Variants in TSPEAR observed in about 807,000 individuals in gnomAD.
TSPEAR encodes the protein thrombospondin-type laminin G domain and EAR repeat-containing protein.
TSPEAR carries 69 observed loss-of-function variants against 71.6 expected under a neutral mutation model. The observed-to-expected ratio is 0.96, with a 90% CI of 0.79 to 1.18. The LOEUF is 1.18. Ranked by LOEUF, TSPEAR falls within the 50% of genes most tolerant of loss-of-function variation. The pLI, the probability that TSPEAR is intolerant of heterozygous loss-of-function variation, is 0.00. For missense variants in TSPEAR, 971 were observed against 894.9 expected (o/e 1.09, Z -1.09); for synonymous variants, 402 against 387.2 (o/e 1.04, Z -0.45).
chr21:44,568,080 T>C, intron 1 of TSPEAR, 75 bp from the exon 2 acceptor site: 1 of 1,208,350 alleles, frequency 8.3e-7, no homozygotes, highest in Non-Finnish European at 1.1e-6. Flanking sequence ...CCAACATGTA[T>C]GGGGCATCAG....
intron 1 of TSPEAR, among the ~76,000 whole-genome samples, chr21:44,703,873 C>A (rs782545199): frequency 6.6e-6 from 1 of 152,152 alleles, no homozygotes; most frequent in Non-Finnish European, 1.5e-5. Context: ...CTCCACACCA[C>A]ACCAGTGCCA....
In TSPEAR at chr21:44,687,512, G is replaced by A. The variant is rs1442367339; in HGVS notation, c.82+23921C>T. Among the ~76,000 whole-genome samples the A allele has an allele frequency of 6.6e-6, 1 of 152,158 alleles. No individual in the cohort carries two copies. The highest frequency in any genetic ancestry group is 1.5e-5 in the Non-Finnish European group (1 of 68,030). ...AACGCATCGCAGAAACACCGCGCGG[G>A]GTGGGAGAGGCCGGCACCAGAGGAC... is the stretch of plus-strand genomic sequence containing the variant. On this transcript the variant is annotated intron_variant, in intron 1 of 11. Transcript: ENST00000323084. This position sits in a 1 kb window ranked among gnomAD's most constrained non-coding sequence, Gnocchi z 4.4.
chr21:44,695,382 G>A lies in TSPEAR; in HGVS notation c.82+16051C>T, dbSNP rs1987289933. On this transcript the variant is annotated intron_variant, in intron 1 of 11. Transcript: ENST00000323084. This position sits in a 1 kb window ranked among gnomAD's most constrained non-coding sequence, Gnocchi z 4.5. ...TCTCAGACCTTCTACTGAGAGGTCGGGGGTCGGGTCATGACACACAGCAGG... is the reference window on the plus strand; with the variant it reads ...TCTCAGACCTTCTACTGAGAGGTCGAGGGTCGGGTCATGACACACAGCAGG... Among the ~76,000 whole-genome samples, 2 of 152,120 alleles carry A rather than the reference G, an allele frequency of 1.3e-5. No individual in the cohort carries two copies. Among genetic ancestry groups the A allele is most frequent in the Admixed American group, 1.3e-4 (2 of 15,280 alleles).
At chr21:44,651,866 C>A (rs1555941484) in intron 1 of TSPEAR, among the ~76,000 whole-genome samples, 2 of 151,958 alleles carry the variant, frequency 1.3e-5, no homozygotes, top group Non-Finnish European at 2.9e-5. Context: ...AAAAATCAAG[C>A]TTTTAAAAAA....
chr21:44,555,751 A>G (rs1210739736), intron 2 of TSPEAR, among the ~76,000 whole-genome samples: 3 of 152,030 alleles, frequency 2.0e-5, no homozygotes, highest in African/African-American at 2.4e-5. Context: ...GCTCTGGGCT[A>G]CTGATCAGAC....
rs587613497 is a variant in TSPEAR at position 44,675,636 on chromosome 21, T to TA, written c.82+35796dup. Among the ~76,000 whole-genome samples the TA allele has an allele frequency of 3.1e-4, 47 of 152,166 alleles. No homozygotes were observed. In the South Asian group the frequency reaches 9.3e-3, roughly 30 times the overall value. The stretch of plus-strand genomic sequence containing the variant: ...TGATTGGCCTCACAAGTCTGATCAG[T>TA]AAAATCCGAAAAACAGAAAATGTTA... On this transcript the variant is annotated intron_variant, in intron 1 of 11. Coordinates refer to ENST00000323084, the MANE Select transcript of TSPEAR (RefSeq NM_144991.3).
intron 1 of TSPEAR, among the ~76,000 whole-genome samples, chr21:44,650,955 A>G (rs977484250): frequency 6.6e-6 from 1 of 152,192 alleles, no homozygotes; most frequent in African/African-American, 2.4e-5. Context: ...GGGGGAGGAC[A>G]GGGTGACACT....
intron 10 of TSPEAR, among the ~76,000 whole-genome samples, chr21:44,507,275 A>G (rs1555912034): frequency 6.6e-6 from 1 of 152,242 alleles, no homozygotes; most frequent in Non-Finnish European, 1.5e-5. Flanking sequence ...CCATGGCTGC[A>G]CATATCTGTG....
intron 2 of TSPEAR, 23 bp downstream of exon 2, chr21:44,567,762 G>C: frequency 6.5e-7 from 1 of 1,530,426 alleles, no homozygotes; most frequent in South Asian, 1.3e-5. Flanking sequence ...ATTATAACAC[G>C]AAGTGCAGAA....
intron 9 of TSPEAR, among the ~76,000 whole-genome samples, chr21:44,514,862 C>A (rs1285214036): frequency 6.6e-6 from 1 of 152,190 alleles, no homozygotes; most frequent in Non-Finnish European, 1.5e-5. Flanking sequence ...GGTGGGCAGC[C>A]AGCTCCTCAC....
intron 1 of TSPEAR, chr21:44,591,355 T>A (rs1555926479): frequency 6.4e-7 from 1 of 1,571,780 alleles, no homozygotes; most frequent in Admixed American, 1.7e-5. Context: ...CAGCCCCTGG[T>A]GGGAAGGGAC....
In TSPEAR at chr21:44,505,724, C is replaced by T. The variant is rs982767165; in HGVS notation, c.1755-843G>A. Among the ~76,000 whole-genome samples, 4 of 151,816 alleles carry T rather than the reference C, an allele frequency of 2.6e-5. 1 individual carries two copies. Among genetic ancestry groups the T allele is most frequent in the African/African-American group, 9.7e-5 (4 of 41,270 alleles). On this transcript the variant is annotated intron_variant, in intron 10 of 11. Transcript: ENST00000323084. ...CCAGTGACTCAAGGTTCATCCGTGT[C>T]GCACTGTGTGTCAGAATCGCCTTCC... is the stretch of plus-strand genomic sequence containing the variant.
In TSPEAR at chr21:44,694,666, G is replaced by A. The variant is rs143104371; in HGVS notation, c.82+16767C>T. ...CACAAAAAAAACATTTTTAAAGGCA[G>A]TCAAATGGAAGAATAGGCAGTTTTA... On this transcript the variant is annotated intron_variant, in intron 1 of 11. Coordinates refer to ENST00000323084, the MANE Select transcript of TSPEAR (RefSeq NM_144991.3). Among the ~76,000 whole-genome samples, 17 of 152,314 alleles carry A rather than the reference G, an allele frequency of 1.1e-4. No homozygotes were observed. In the East Asian group the frequency reaches 3.3e-3, roughly 29 times the overall value.
At chr21:44,558,390 C>T (rs782511493) in intron 2 of TSPEAR, 53 of 1,613,028 alleles carry the variant, frequency 3.3e-5, no homozygotes, top group Non-Finnish European at 4.1e-5. Context: ...GGGCACACAG[C>T]AGACTGGCTT....
At chr21:44,530,458 C>T (rs112421816) in intron 4 of TSPEAR, among the ~76,000 whole-genome samples, 2 of 140,236 alleles carry the variant, frequency 1.4e-5, no homozygotes, top group African/African-American at 3.1e-5. Flanking sequence ...CATCTCTCCA[C>T]GCATCCATCC....
intron 1 of TSPEAR, among the ~76,000 whole-genome samples, chr21:44,650,036 A>G (rs1035354535): frequency 6.6e-6 from 1 of 152,154 alleles, no homozygotes. Flanking sequence ...AGCCCAGGCA[A>G]CACAGTGAGA....
At chr21:44,626,890 C>T (rs1315206344) in intron 1 of TSPEAR, among the ~76,000 whole-genome samples, 1 of 152,078 alleles carries the variant, frequency 6.6e-6, no homozygotes, top group Admixed American at 6.5e-5. Context: ...CAGGCCCACC[C>T]CAACTCCTGC....
intron 1 of TSPEAR, among the ~76,000 whole-genome samples, chr21:44,656,414 C>T (rs1238642983): frequency 2.0e-5 from 3 of 152,118 alleles, no homozygotes; most frequent in Non-Finnish European, 4.4e-5. Flanking sequence ...TTTACCTCAA[C>T]ATGTTTTGAA....
rs144643610 is a variant in TSPEAR, at chr21:44,555,230, T to C, written c.303+12555A>G. On this transcript the variant is annotated intron_variant, in intron 2 of 11. Transcript: ENST00000323084. ...ATTGCTCCTGATGTTTCCTATTAGA[T>C]GAGAACATTTCTCAAAACGGTTTAT... is the stretch of plus-strand genomic sequence containing the variant. 5.9e-3 allele frequency among the ~76,000 whole-genome samples: 892 copies of C among 152,304 alleles called. 8 individuals carry two copies. The highest frequency in any genetic ancestry group is 0.02 in the African/African-American group (847 of 41,554).
Sources: allele counts gnomAD v4.1 joint callset (sites outside exome capture counted in the v4.1 genomes callset), GRCh38; gene constraint gnomAD v4.1.1; non-coding constraint Gnocchi (gnomAD v3.1); transcripts MANE v1.5; gene names NCBI Gene and HGNC (gene_info 2026-07-23, HGNC 2026-07-21).